The following ANK2 variants were observed in gnomAD, a reference collection of about 807,000 sequenced individuals.
ANK2 encodes the protein ankyrin-2.
A neutral mutation model predicts 360.5 loss-of-function variants in ANK2; 83 were observed. That is an observed-to-expected ratio of 0.23 (90% CI 0.19 to 0.28). The LOEUF (loss-of-function observed/expected upper bound fraction) is 0.28, where lower values mean the gene tolerates loss of function less well. Ranked by LOEUF, ANK2 falls within the 10% of genes least tolerant of loss-of-function variation. The pLI is 1.00. For missense variants in ANK2, 4,201 were observed against 4,795.7 expected (o/e 0.88, Z 3.66); for synonymous variants, 1,740 against 1,759.5 (o/e 0.99, Z 0.28).
Position 113,332,167 on chromosome 4 carries a change from A to T in ANK2, c.3224+97A>T, listed in dbSNP as rs1011465101. 4.6e-6 allele frequency: 5 copies of T among 1,090,388 alleles called. No individual in the cohort carries two copies. In the African/African-American group the frequency reaches 7.7e-5, roughly 17 times the overall value. 67.5% of individuals were successfully genotyped at this position (1,090,388 alleles called of 1,614,324 possible). On this transcript the variant is annotated intron_variant, in intron 28 of 45. Coordinates refer to ENST00000357077, the MANE Select transcript of ANK2 (RefSeq NM_001148.6). ...TCTTTTTTGTCATTGTGCCCATGAC[A>T]TGTCCCTTTCTATGATTTAAATTCT...
the ANK2 span, among the ~76,000 whole-genome samples, chr4:112,755,455 G>T: frequency 6.6e-6 from 1 of 152,198 alleles, no homozygotes; most frequent in Non-Finnish European, 1.5e-5. Context: ...GTCAGCAAAG[G>T]GTGGTGGGAT....
chr4:113,203,786 T>C (rs1396414260), intron 4 of ANK2, among the ~76,000 whole-genome samples: 1 of 152,174 alleles, frequency 6.6e-6, no homozygotes, highest in East Asian at 1.9e-4. Flanking sequence ...TTGCCCATAA[T>C]CTTCATCCCC....
the ANK2 span, among the ~76,000 whole-genome samples, chr4:112,808,939 C>T: frequency 8.6e-5 from 13 of 151,972 alleles, no homozygotes; most frequent in Non-Finnish European, 1.8e-4. Flanking sequence ...CTCGCTGCAA[C>T]CTCTGTCCCC....
intron 2 of ANK2, among the ~76,000 whole-genome samples, chr4:112,910,584 AG>A (rs947664438): frequency 5.3e-5 from 8 of 152,236 alleles, no homozygotes; most frequent in South Asian, 2.1e-4. Flanking sequence ...ACGGATAAAA[AG>A]GAACTTTCAA....
chr4:113,306,524 A>T (rs993928946), intron 23 of ANK2, among the ~76,000 whole-genome samples: 1 of 152,222 alleles, frequency 6.6e-6, no homozygotes. Context: ...TTTTACAAAG[A>T]TTTAACCAGC....
chr4:112,821,315 C>T (rs2056962492), intron 1 of ANK2, among the ~76,000 whole-genome samples: 1 of 152,240 alleles, frequency 6.6e-6, no homozygotes, highest in African/African-American at 2.4e-5. Flanking sequence ...TCCCTAGTAG[C>T]TGGGATTACA....
rs187047149 is a variant in ANK2, at chr4:112,853,095, A to G, written c.-40+34831A>G. Among the ~76,000 whole-genome samples, 311 of 152,014 alleles carry G rather than the reference A, an allele frequency of 2.0e-3. 1 individual carries two copies. Among genetic ancestry groups the G allele is most frequent in the African/African-American group, 7.2e-3 (297 of 41,472 alleles). On this transcript the variant is annotated intron_variant, in intron 1 of 30. Coordinates refer to the ANK2 transcript ENST00000503271. ...GCTAATTTTTTTTTTTTTGAGACGAAGTCTCGCTCTCTCGCCAGGCTAGAG... is the reference window on the plus strand; with the variant it reads ...GCTAATTTTTTTTTTTTTGAGACGAGGTCTCGCTCTCTCGCCAGGCTAGAG...
chr4:113,215,644 T>C (rs2099077407), intron 4 of ANK2, among the ~76,000 whole-genome samples: 1 of 152,084 alleles, frequency 6.6e-6, no homozygotes, highest in Non-Finnish European at 1.5e-5. Context: ...TGTGAATAAT[T>C]AGAAAAAGCA....
chr4:113,344,445 G>A (rs1244745994), intron 34 of ANK2, among the ~76,000 whole-genome samples: 1 of 152,184 alleles, frequency 6.6e-6, no homozygotes, highest in Non-Finnish European at 1.5e-5. Context: ...ATTGCTGGTG[G>A]AAATGCAAAA....
intron 23 of ANK2, among the ~76,000 whole-genome samples, chr4:113,310,621 T>C (rs1352682393): frequency 6.6e-6 from 1 of 152,148 alleles, no homozygotes; most frequent in African/African-American, 2.4e-5. Context: ...TTCACTATAT[T>C]GGTCAGGCTG....
At chr4:112,768,277 A>G in the ANK2 span, among the ~76,000 whole-genome samples, 1 of 151,960 alleles carries the variant, frequency 6.6e-6, no homozygotes, top group Non-Finnish European at 1.5e-5. Context: ...TTTTTGAGAT[A>G]AGGTCTCACT....
chr4:113,044,147 T>C (rs192072870), intron 2 of ANK2, among the ~76,000 whole-genome samples: 41 of 152,288 alleles, frequency 2.7e-4, no homozygotes, highest in African/African-American at 8.2e-4. Context: ...TTAGTTACCA[T>C]AGGCTAGCTG....
intron 2 of ANK2, among the ~76,000 whole-genome samples, chr4:112,988,190 T>C (rs1317405880): frequency 1.3e-5 from 2 of 152,236 alleles, no homozygotes; most frequent in East Asian, 1.9e-4. Flanking sequence ...AAAATTTTTA[T>C]TGAGCATCTA....
the ANK2 span, among the ~76,000 whole-genome samples, chr4:112,749,020 C>CAA: frequency 1.3e-5 from 2 of 152,206 alleles, no homozygotes. Flanking sequence ...GGGCCTCGGC[C>CAA]TCCTGAGTAG....
chr4:113,134,301 T>C (rs1325471821), intron 1 of ANK2, among the ~76,000 whole-genome samples: 1 of 148,290 alleles, frequency 6.7e-6, no homozygotes, highest in Non-Finnish European at 1.5e-5. Context: ...TTTTTTTTTT[T>C]TTTTCTCACT....
intron 2 of ANK2, among the ~76,000 whole-genome samples, chr4:112,988,274 G>A (rs763528566): frequency 5.9e-5 from 9 of 152,216 alleles, no homozygotes; most frequent in Non-Finnish European, 1.3e-4. Context: ...ACATAATACT[G>A]GAAATCAAGT....
chr4:113,220,913 A>C (rs2099143429), intron 4 of ANK2, among the ~76,000 whole-genome samples: 1 of 152,238 alleles, frequency 6.6e-6, no homozygotes, highest in Non-Finnish European at 1.5e-5. Context: ...GCTGATTTCT[A>C]TGGAGGATTC....
the ANK2 span, among the ~76,000 whole-genome samples, chr4:112,728,363 T>C: frequency 6.8e-6 from 1 of 147,812 alleles, no homozygotes; most frequent in Non-Finnish European, 1.5e-5. Flanking sequence ...AATGGACAAT[T>C]ATAGATCAAC....
chr4:113,037,564 G>T (rs937046091), intron 2 of ANK2, among the ~76,000 whole-genome samples: 1 of 151,904 alleles, frequency 6.6e-6, no homozygotes, highest in African/African-American at 2.4e-5. Context: ...AAAATAGAAG[G>T]ATTGACCATA....
Sources: allele counts gnomAD v4.1 joint callset (sites outside exome capture counted in the v4.1 genomes callset), GRCh38; gene constraint gnomAD v4.1.1; transcripts MANE v1.5; gene names NCBI Gene and HGNC (gene_info 2026-07-23, HGNC 2026-07-21).